PTPRG: variants seen among roughly 807,000 people sequenced by gnomAD.
PTPRG encodes the protein receptor-type tyrosine-protein phosphatase gamma.
Under a neutral mutation model 165.3 loss-of-function variants are expected in PTPRG, and 102 were observed. The ratio of observed to expected loss-of-function variants is 0.62; its 90% confidence interval spans 0.53 to 0.73. The LOEUF (loss-of-function observed/expected upper bound fraction) is 0.73. Among genes scored for constraint, PTPRG ranks in the 30% least tolerant of loss-of-function variants. The pLI is 0.00. For missense variants in PTPRG, 1,866 were observed against 1,861.4 expected (o/e 1.00, Z -0.05); for synonymous variants, 675 against 669.5 (o/e 1.01, Z -0.13).
intron 2 of PTPRG, among the ~76,000 whole-genome samples, chr3:61,805,745 T>A (rs2035395381): frequency 6.6e-6 from 1 of 152,186 alleles, no homozygotes; most frequent in South Asian, 2.1e-4. Flanking sequence ...TGTGCTGTAT[T>A]TACTGTGTGA....
intron 2 of PTPRG, among the ~76,000 whole-genome samples, chr3:61,799,445 G>A (rs1205147554): frequency 6.6e-6 from 1 of 152,084 alleles, no homozygotes; most frequent in Non-Finnish European, 1.5e-5. Flanking sequence ...ATTGCATCTA[G>A]TCATCATGTC....
chr3:61,976,140 C>T (rs1400402849), intron 2 of PTPRG, among the ~76,000 whole-genome samples: 1 of 152,148 alleles, frequency 6.6e-6, no homozygotes, highest in African/African-American at 2.4e-5. Flanking sequence ...AGATCCTTGA[C>T]AGAATATCTC....
At chr3:61,624,699 G>A (rs1701559805) in intron 1 of PTPRG, among the ~76,000 whole-genome samples, 1 of 152,192 alleles carries the variant, frequency 6.6e-6, no homozygotes, top group African/African-American at 2.4e-5. Context: ...TGCAAAATGA[G>A]CATAATAGTA....
chr3:61,776,119 TAA>T (rs2034375072), intron 2 of PTPRG, among the ~76,000 whole-genome samples: 1 of 151,716 alleles, frequency 6.6e-6, no homozygotes, highest in Admixed American at 6.6e-5. Flanking sequence ...GGTTCTGGTA[TAA>T]GTCATTGCAT....
chr3:61,804,454 T>C (rs1316931478), intron 2 of PTPRG, among the ~76,000 whole-genome samples: 1 of 152,206 alleles, frequency 6.6e-6, no homozygotes, highest in East Asian at 1.9e-4. Context: ...GGTTTGCTTT[T>C]ATATCCCCAA....
intron 1 of PTPRG, among the ~76,000 whole-genome samples, chr3:61,711,129 C>G (rs1575603491): frequency 6.6e-6 from 1 of 152,118 alleles, no homozygotes; most frequent in African/African-American, 2.4e-5. Context: ...GCATAGTATT[C>G]CATGGTGTAT....
rs148618053 is a variant in PTPRG, at chr3:61,790,688, A to T, written c.190+41706A>T. On this transcript the variant is annotated intron_variant, in intron 2 of 29. Coordinates refer to ENST00000474889, the MANE Select transcript of PTPRG (RefSeq NM_002841.4). ...ACAAATAGCTTCACTGAAACATTAC[A>T]AGAGAAATTCTCAGTCTCAGAATCC... Among the ~76,000 whole-genome samples the T allele has an allele frequency of 4.5e-3, 691 of 152,172 alleles. 3 individuals carry two copies. Among genetic ancestry groups the T allele is most frequent in the African/African-American group, 0.016 (660 of 41,530 alleles).
intron 2 of PTPRG, among the ~76,000 whole-genome samples, chr3:61,988,432 C>G (rs1259171188): frequency 6.6e-6 from 1 of 152,126 alleles, no homozygotes; most frequent in Non-Finnish European, 1.5e-5. Context: ...CATGTGGACT[C>G]TTATTTAGTG....
At chr3:62,178,953 A>G (rs920947855) in intron 8 of PTPRG, among the ~76,000 whole-genome samples, 1 of 152,200 alleles carries the variant, frequency 6.6e-6, no homozygotes, top group Non-Finnish European at 1.5e-5. Context: ...CTTTTTCACT[A>G]ACTAGCATTC....
intron 2 of PTPRG, among the ~76,000 whole-genome samples, chr3:61,788,715 T>A (rs2034784796): frequency 6.6e-6 from 1 of 152,236 alleles, no homozygotes; most frequent in Non-Finnish European, 1.5e-5. Context: ...ACATGGTTAA[T>A]ATTTTTGGCT....
At chr3:62,107,303 C>T (rs1295804403) in intron 5 of PTPRG, among the ~76,000 whole-genome samples, 1 of 152,200 alleles carries the variant, frequency 6.6e-6, no homozygotes, top group East Asian at 1.9e-4. Flanking sequence ...GATTAGTCAC[C>T]TCCTAATTTG....
At chr3:61,721,625 C>T (rs1023931674) in intron 1 of PTPRG, among the ~76,000 whole-genome samples, 1 of 152,232 alleles carries the variant, frequency 6.6e-6, no homozygotes, top group Non-Finnish European at 1.5e-5. Context: ...TCATATTTAA[C>T]ACCATGTCCT....
chr3:61,937,869 C>T (rs1264980083), intron 2 of PTPRG, among the ~76,000 whole-genome samples: 1 of 151,834 alleles, frequency 6.6e-6, no homozygotes, highest in Non-Finnish European at 1.5e-5. Context: ...TCTGATAGAT[C>T]ACTGGTGCTG....
intron 2 of PTPRG, among the ~76,000 whole-genome samples, chr3:61,964,003 T>C (rs1429505129): frequency 1.3e-5 from 2 of 152,228 alleles, no homozygotes; most frequent in Non-Finnish European, 2.9e-5. Flanking sequence ...ACAGTATTCT[T>C]TCAGATAGTA....
chr3:61,830,362 G>C (rs986694614), intron 2 of PTPRG, among the ~76,000 whole-genome samples: 2 of 152,078 alleles, frequency 1.3e-5, no homozygotes, highest in African/African-American at 2.4e-5. Context: ...GTTTAATTTA[G>C]TTGTGTAATT....
At chr3:61,850,563 C>T (rs555190187) in intron 2 of PTPRG, among the ~76,000 whole-genome samples, 62 of 152,088 alleles carry the variant, frequency 4.1e-4, no homozygotes, top group African/African-American at 1.5e-3. Context: ...CTATTTGTAC[C>T]TTGTTTATGT....
chr3:62,231,804 C>G (rs923424960), intron 14 of PTPRG, among the ~76,000 whole-genome samples: 1 of 150,412 alleles, frequency 6.6e-6, no homozygotes. Flanking sequence ...TGTGTTTTTC[C>G]TTAAGAATGG....
intron 1 of PTPRG, among the ~76,000 whole-genome samples, chr3:61,684,945 G>A (rs370384197): frequency 2.9e-4 from 44 of 152,156 alleles, no homozygotes; most frequent in African/African-American, 1.0e-3. Flanking sequence ...GACTGACCTT[G>A]GGACAAATTA....
intron 4 of PTPRG, among the ~76,000 whole-genome samples, chr3:62,064,617 T>G (rs1345808177): frequency 1.3e-5 from 2 of 152,058 alleles, no homozygotes; most frequent in Non-Finnish European, 2.9e-5. Context: ...TATGCAGCAC[T>G]TGTGGCAAAG....
Sources: gnomAD v4.1 joint callset for allele counts (sites outside exome capture counted in the v4.1 genomes callset) on GRCh38, gnomAD v4.1.1 for gene constraint, MANE v1.5 for transcripts, NCBI Gene and HGNC (gene_info 2026-07-23, HGNC 2026-07-21) for gene names.